Variants in FGF12 observed in about 807,000 individuals in gnomAD.
The protein encoded by FGF12 is fibroblast growth factor 12B.
Under a neutral mutation model 23.6 loss-of-function variants are expected in FGF12, and 14 were observed. The observed-to-expected ratio is 0.59, with a 90% confidence interval of 0.39 to 0.93. FGF12 has a LOEUF of 0.93. Ranked by LOEUF, FGF12 falls within the 40% of genes least tolerant of loss-of-function variation. FGF12 has a pLI of 0.00. For missense variants in FGF12, 175 were observed against 217.8 expected (o/e 0.80, Z 1.24); for synonymous variants, 62 against 77.3 (o/e 0.80, Z 1.04).
At chr3:192,150,094 T>G (rs1220650347) in intron 5 of FGF12, among the ~76,000 whole-genome samples, 1 of 69,188 alleles carries the variant, frequency 1.4e-5, no homozygotes, top group East Asian at 3.3e-4. Context: ...CATGTGTTTT[T>G]TGGCTGCATA....
chr3:192,168,759 A>C (rs1455041546), intron 5 of FGF12, among the ~76,000 whole-genome samples: 1 of 152,228 alleles, frequency 6.6e-6, no homozygotes, highest in Admixed American at 6.5e-5. Flanking sequence ...GGAGATATGA[A>C]GAAAAATAAA....
intron 4 of FGF12, among the ~76,000 whole-genome samples, chr3:192,252,498 AG>A (rs1712096998): frequency 6.7e-6 from 1 of 148,496 alleles, no homozygotes; most frequent in Non-Finnish European, 1.5e-5. Flanking sequence ...AAAAAAGAAA[AG>A]AGAAGAGAAG....
chr3:192,353,553 T>G (rs927510084), intron 3 of FGF12, among the ~76,000 whole-genome samples: 1 of 152,014 alleles, frequency 6.6e-6, no homozygotes, highest in Non-Finnish European at 1.5e-5. Flanking sequence ...ATATTTTTAG[T>G]AGAGACGGGG....
At chr3:192,311,927 G>GTCTATCTA (rs35183560) in intron 4 of FGF12, among the ~76,000 whole-genome samples, 23,164 of 145,252 alleles carry the variant, frequency 0.16, 1,866 homozygotes, top group Middle Eastern at 0.18. Flanking sequence ...TTGACTGTCT[G>GTCTATCTA]TCTATCTATC....
intron 2 of FGF12, among the ~76,000 whole-genome samples, chr3:192,497,218 G>A (rs1028936951): frequency 8.5e-5 from 13 of 152,080 alleles, no homozygotes; most frequent in Admixed American, 6.5e-5. Context: ...TCTTCACCTC[G>A]TTGCTCAGGA....
chr3:192,304,866 T>C (rs1715536172), intron 4 of FGF12, among the ~76,000 whole-genome samples: 1 of 152,230 alleles, frequency 6.6e-6, no homozygotes, highest in African/African-American at 2.4e-5. Flanking sequence ...TCTTGCTGTA[T>C]AAGCTCCTTT....
intron 2 of FGF12, among the ~76,000 whole-genome samples, chr3:192,406,165 G>C (rs1473125631): frequency 6.6e-6 from 1 of 151,998 alleles, no homozygotes; most frequent in Non-Finnish European, 1.5e-5. Flanking sequence ...AGAGCCCACA[G>C]GAAGCAGCAA....
Position 192,629,550 on chromosome 3 carries a change from T to G in FGF12, c.13+97631A>C, listed in dbSNP as rs74735100. Among the ~76,000 whole-genome samples, 612 of 152,320 alleles carry G rather than the reference T, an allele frequency of 4.0e-3. 6 individuals are homozygous for G. Among genetic ancestry groups the G allele is most frequent in the African/African-American group, 0.014 (575 of 41,572 alleles). ...ATTCTAGATTGGACTTTTGATTGTT[T>G]GTGCTGCTGGGGCTGAGTAAGCAAT... On this transcript the variant is annotated intron_variant, in intron 2 of 5. Coordinates refer to ENST00000445105, the MANE Select transcript of FGF12 (RefSeq NM_004113.6).
At chr3:192,483,919 G>A (rs953818240) in intron 2 of FGF12, among the ~76,000 whole-genome samples, 2 of 152,088 alleles carry the variant, frequency 1.3e-5, no homozygotes, top group African/African-American at 4.8e-5. Flanking sequence ...ACATATGAAG[G>A]AGACATTATG....
intron 2 of FGF12, among the ~76,000 whole-genome samples, chr3:192,625,707 T>C (rs755819461): frequency 1.3e-5 from 2 of 152,178 alleles, no homozygotes; most frequent in Non-Finnish European, 2.9e-5. Context: ...ACTTTGTTAC[T>C]AGGTGTCTAG....
intron 2 of FGF12, among the ~76,000 whole-genome samples, chr3:192,396,732 AAGGTGCC>A (rs1720538258): frequency 6.6e-6 from 1 of 152,208 alleles, no homozygotes; most frequent in Admixed American, 6.5e-5. Flanking sequence ...AGTCTTAATC[AAGGTGCC>A]AGTTCAACCA....
At chr3:192,645,358 A>G (rs1413515082) in intron 2 of FGF12, among the ~76,000 whole-genome samples, 1 of 152,202 alleles carries the variant, frequency 6.6e-6, no homozygotes, top group African/African-American at 2.4e-5. Flanking sequence ...TATTAAATAA[A>G]TGTTTAGGAC....
intron 3 of FGF12, among the ~76,000 whole-genome samples, chr3:192,358,910 T>A (rs1464940): frequency 0.64 from 97,819 of 152,110 alleles, 34,426 homozygotes; most frequent in East Asian, 0.93. Flanking sequence ...TTATAGAAAT[T>A]AAACCTGAGA....
intron 4 of FGF12, among the ~76,000 whole-genome samples, chr3:192,251,727 A>T (rs894677975): frequency 5.3e-5 from 8 of 152,198 alleles, no homozygotes; most frequent in African/African-American, 1.9e-4. Flanking sequence ...GCATGAGAAA[A>T]AAAAGCCAGA....
At chr3:192,550,989 G>C (rs1711513384) in intron 2 of FGF12, among the ~76,000 whole-genome samples, 1 of 152,120 alleles carries the variant, frequency 6.6e-6, no homozygotes, top group Non-Finnish European at 1.5e-5. Flanking sequence ...GGAATAGATT[G>C]TGTATGCAAT....
At chr3:192,170,394 A>G in intron 5 of FGF12, 64 bp downstream of exon 5, 1 of 1,395,152 alleles carries the variant, frequency 7.2e-7, no homozygotes, top group Non-Finnish European at 1.0e-6. Flanking sequence ...CAAAAGGGCA[A>G]GAAGCAGAAT....
chr3:192,215,253 C>A (rs1386698133), intron 4 of FGF12, among the ~76,000 whole-genome samples: 3 of 152,164 alleles, frequency 2.0e-5, no homozygotes, highest in Non-Finnish European at 4.4e-5. Flanking sequence ...CCCCCACCTG[C>A]CCATTAGACT....
At chr3:192,550,275 A>G (rs1366415596) in intron 2 of FGF12, among the ~76,000 whole-genome samples, 1 of 150,970 alleles carries the variant, frequency 6.6e-6, no homozygotes, top group Non-Finnish European at 1.5e-5. Flanking sequence ...CATAGATAAT[A>G]TTTGTACACA....
chr3:192,377,104 G>A (rs1467846277), intron 2 of FGF12, among the ~76,000 whole-genome samples: 12 of 152,284 alleles, frequency 7.9e-5, no homozygotes, highest in Non-Finnish European at 1.5e-4. Flanking sequence ...ATTCCTCATA[G>A]ACAACACTTT....
Sources: gnomAD v4.1 joint callset for allele counts (sites outside exome capture counted in the v4.1 genomes callset) on GRCh38, gnomAD v4.1.1 for gene constraint, MANE v1.5 for transcripts, NCBI Gene and HGNC (gene_info 2026-07-23, HGNC 2026-07-21) for gene names.